Variants in DISP1 observed in about 807,000 individuals in gnomAD.
DISP1 encodes dispatched RND transporter family member 1.
DISP1 carries 30 observed loss-of-function variants against 37.3 expected under a neutral mutation model. The ratio of observed to expected loss-of-function variants is 0.80; its 90% CI spans 0.60 to 1.09. The LOEUF is 1.09. Among genes scored for constraint, DISP1 ranks in the 50% least tolerant of loss-of-function variants. The pLI, the probability that DISP1 is intolerant of heterozygous loss-of-function variation, is 0.00. For missense variants in DISP1, 1,598 were observed against 1,879.5 expected, an observed-to-expected ratio of 0.85 and a Z score of 2.77; for synonymous variants, 634 against 690.2, an observed-to-expected ratio of 0.92 and a Z score of 1.28.
chr1:222,975,269 C>T (rs1677230484), intron 3 of DISP1, among the ~76,000 whole-genome samples: 1 of 152,122 alleles, frequency 6.6e-6, no homozygotes, highest in Non-Finnish European at 1.5e-5. Context: ...AAGCGATCCT[C>T]CCAGCTGGGC....
chr1:222,816,092 TATATATATATAA>T (rs1211239321), intron 1 of DISP1, among the ~76,000 whole-genome samples: 192 of 148,674 alleles, frequency 1.3e-3, no homozygotes, highest in African/African-American at 4.5e-3. Context: ...TATATATATA[TATATATATATAA>T]ATATTTGCCA....
At chr1:222,891,744 T>G (rs982574076) in intron 1 of DISP1, among the ~76,000 whole-genome samples, 2 of 152,100 alleles carry the variant, frequency 1.3e-5, no homozygotes, top group African/African-American at 4.8e-5. Context: ...CTGATCTCAT[T>G]TGCCAGTTTG....
intron 3 of DISP1, among the ~76,000 whole-genome samples, chr1:222,971,492 A>G (rs944113370): frequency 1.3e-5 from 2 of 152,070 alleles, no homozygotes; most frequent in Non-Finnish European, 2.9e-5. Context: ...TAGGGACAAA[A>G]TGATCCAAGA....
chr1:222,990,023 C>T (rs1003943794), intron 4 of DISP1, among the ~76,000 whole-genome samples: 3 of 151,992 alleles, frequency 2.0e-5, no homozygotes, highest in African/African-American at 4.8e-5. Flanking sequence ...AGGATGGTCT[C>T]GAACTCCTGA....
At position 222,893,601 on chromosome 1, in the gene DISP1, G is replaced by C. The variant is rs910514201; in HGVS notation, c.-158-34829G>C. Among the ~76,000 whole-genome samples the C allele has an allele frequency of 6.6e-6, 1 of 152,244 alleles. No homozygotes were observed. Among genetic ancestry groups the C allele is most frequent in the Non-Finnish European group, 1.5e-5 (1 of 68,038 alleles). On this transcript the variant is annotated intron_variant, in intron 1 of 8. Coordinates refer to ENST00000675850, the MANE Select transcript of DISP1 (RefSeq NM_001377229.1). This position sits in a 1 kb window ranked among gnomAD's most constrained non-coding sequence, Gnocchi z 4.3. ...AGGCGCCGGCACTGACTCCATGGAAGGCTGCGGCTTGACCAGATGTACTGC... is the reference window on the plus strand; with the variant it reads ...AGGCGCCGGCACTGACTCCATGGAACGCTGCGGCTTGACCAGATGTACTGC...
chr1:222,987,304 C>T (rs1041730203), intron 4 of DISP1, among the ~76,000 whole-genome samples: 1 of 152,184 alleles, frequency 6.6e-6, no homozygotes, highest in Non-Finnish European at 1.5e-5. Context: ...AGAAGAAATA[C>T]TTGTTTGAGT....
chr1:222,866,274 A>G (rs1185387054), intron 1 of DISP1, among the ~76,000 whole-genome samples: 1 of 151,670 alleles, frequency 6.6e-6, no homozygotes, highest in East Asian at 1.9e-4. Context: ...CTTTTATAGG[A>G]GAATTGGGCC....
chr1:222,983,709 G>T (rs888467052), intron 4 of DISP1, among the ~76,000 whole-genome samples: 19 of 152,164 alleles, frequency 1.2e-4, no homozygotes, highest in Admixed American at 3.3e-4. Context: ...TGAGGAAAGA[G>T]ATACTGTTCT....
rs148809049 is a variant in DISP1 at position 222,971,103 on chromosome 1, G to A, written c.510-11977G>A. Among the ~76,000 whole-genome samples the A allele has an allele frequency of 2.8e-3, 428 of 151,842 alleles. 2 individuals carry two copies. The highest frequency in any genetic ancestry group is 1.0e-2 in the African/African-American group (414 of 41,420). ...CTAAATCAGTATTATTTTTATTAAC[G>A]CTGATTGTTAGAGTTTTGCTTTGAT... On this transcript the variant is annotated intron_variant, in intron 3 of 8. Coordinates refer to ENST00000675850, the MANE Select transcript of DISP1 (RefSeq NM_001377229.1).
chr1:222,954,084 G>C (rs1465716332), intron 3 of DISP1, among the ~76,000 whole-genome samples: 1 of 150,380 alleles, frequency 6.6e-6, no homozygotes, highest in African/African-American at 2.5e-5. Context: ...TTTTCTTTTT[G>C]GTTAAAAAAA....
intron 3 of DISP1, among the ~76,000 whole-genome samples, chr1:222,978,508 G>T (rs940035854): frequency 1.3e-5 from 2 of 152,202 alleles, no homozygotes; most frequent in Non-Finnish European, 2.9e-5. Context: ...TTGCTGTACA[G>T]AAGCTCTTTA....
chr1:222,912,848 G>A (rs1672283057), intron 1 of DISP1, among the ~76,000 whole-genome samples: 1 of 152,178 alleles, frequency 6.6e-6, no homozygotes, highest in South Asian at 2.1e-4. Context: ...ACTAAAGAAT[G>A]TGAGTTAGAA....
In DISP1 at chr1:222,893,715, C is replaced by T. The variant is rs1480494104; in HGVS notation, c.-158-34715C>T. Among the ~76,000 whole-genome samples the T allele has an allele frequency of 6.6e-6, 1 of 152,216 alleles. No individual in the cohort carries two copies. Among genetic ancestry groups the T allele is most frequent in the African/African-American group, 2.4e-5 (1 of 41,466 alleles). ...GGAGATGCCAGGAACTGCAGAGCCC[C>T]AAAGAGAGTGTCACAACCCTGGCTC... On this transcript the variant is annotated intron_variant, in intron 1 of 8. Transcript: ENST00000675850. This position sits in a 1 kb window ranked among gnomAD's most constrained non-coding sequence, Gnocchi z 4.3.
intron 1 of DISP1, among the ~76,000 whole-genome samples, chr1:222,817,008 G>C (rs920965428): frequency 2.6e-5 from 4 of 152,228 alleles, no homozygotes; most frequent in Non-Finnish European, 5.9e-5. Context: ...GTTGGAGGAA[G>C]TGCTCGTTGT....
intron 4 of DISP1, among the ~76,000 whole-genome samples, chr1:222,988,392 A>G (rs774022920): frequency 3.9e-5 from 6 of 152,338 alleles, no homozygotes; most frequent in Non-Finnish European, 8.8e-5. Context: ...GAACCAGACT[A>G]TCTAGGTTCC....
At chr1:222,976,273 T>C (rs995940337) in intron 3 of DISP1, among the ~76,000 whole-genome samples, 9 of 152,098 alleles carry the variant, frequency 5.9e-5, no homozygotes, top group African/African-American at 1.4e-4. Context: ...TAGGTCGATA[T>C]TAAAAGTAGC....
At chr1:222,891,443 G>A (rs1373595952) in intron 1 of DISP1, among the ~76,000 whole-genome samples, 1 of 152,064 alleles carries the variant, frequency 6.6e-6, no homozygotes, top group African/African-American at 2.4e-5. Context: ...ATAAGGATTT[G>A]GAAGTAAACT....
At chr1:222,921,820 A>T (rs1031329822) in intron 1 of DISP1, among the ~76,000 whole-genome samples, 1 of 152,218 alleles carries the variant, frequency 6.6e-6, no homozygotes, top group Non-Finnish European at 1.5e-5. Context: ...CTTAAGGGGT[A>T]TAAAAATGAT....
chr1:222,911,347 G>T (rs1302008913), intron 1 of DISP1, among the ~76,000 whole-genome samples: 2 of 152,110 alleles, frequency 1.3e-5, no homozygotes, highest in Non-Finnish European at 2.9e-5. Flanking sequence ...AGAGAACAAA[G>T]GGTATCTTTG....
Sources: gnomAD v4.1 joint callset for allele counts (sites outside exome capture counted in the v4.1 genomes callset) on GRCh38, gnomAD v4.1.1 for gene constraint, Gnocchi (gnomAD v3.1) non-coding constraint, MANE v1.5 for transcripts, NCBI Gene and HGNC (gene_info 2026-07-23, HGNC 2026-07-21) for gene names.